Variants in MYOM1 observed in about 807,000 individuals in gnomAD.
MYOM1 encodes the protein myomesin 1, also known as myomesin-1.
Under a neutral mutation model 205.3 loss-of-function variants are expected in MYOM1, and 164 were observed. That is an observed-to-expected ratio of 0.80 (90% CI 0.70 to 0.91). The LOEUF (loss-of-function observed/expected upper bound fraction) is 0.91. MYOM1 is among the 40% of genes least tolerant of loss of function. MYOM1 has a pLI of 0.00. For missense variants in MYOM1, 2,011 were observed against 2,127.3 expected (o/e 0.95, Z 1.08); for synonymous variants, 772 against 789.4 (o/e 0.98, Z 0.37).
chr18:3,164,212 T>G (rs560272886), intron 10 of MYOM1, 66 bp downstream of exon 10: 3 of 1,523,256 alleles, frequency 2.0e-6, no homozygotes, highest in Non-Finnish European at 2.7e-6. Context: ...TGTTTTGTAA[T>G]CAAAAACTGC....
rs538218045 is a variant in MYOM1 at position 3,139,463 on chromosome 18, G to A, written c.2025+2476C>T. On this transcript the variant is annotated intron_variant, in intron 14 of 37. Transcript: ENST00000356443. ...CCATTCCAGGGATCAAGGACATGCCGTGAAGAAGAACAAGCACAGCGGTGG... is the reference window on the plus strand; with the variant it reads ...CCATTCCAGGGATCAAGGACATGCCATGAAGAAGAACAAGCACAGCGGTGG... Among the ~76,000 whole-genome samples, 17 of 152,326 alleles carry A rather than the reference G, an allele frequency of 1.1e-4. No individual in the cohort carries two copies. The South Asian group carries it at 1.2e-3, about 11-fold the overall frequency.
chr18:3,135,672 G>A lies in MYOM1; in HGVS notation c.2084C>T (p.Pro695Leu). The A allele has an allele frequency of 6.2e-7, 1 of 1,613,954 alleles. No individual in the cohort carries two copies. Among genetic ancestry groups the A allele is most frequent in the South Asian group, 1.1e-5 (1 of 91,086 alleles). ...RVNTELPVKS[P>L]RFALFDLAEG... is the part of the protein sequence containing the mutation. The stretch of plus-strand genomic sequence containing the variant: ...GGCCAAGTCAAACAGAGCAAAGCGG[G>A]GAGACTTCACAGGGAGCTCCGTGTT... Residue 695 changes from proline to leucine, a missense_variant, in exon 15 of 38, where the codon CCC becomes CTC. Transcript: ENST00000356443. This position sits in a 1 kb window ranked among gnomAD's most constrained non-coding sequence, Gnocchi z 4.1.
Position 3,119,926 on chromosome 18 carries a change from C to A in MYOM1, c.3061G>T (p.Ala1021Ser), listed in dbSNP as rs747299361. 1 of 1,612,106 alleles carries A rather than the reference C, an allele frequency of 6.2e-7. No homozygotes were observed. The highest frequency in any genetic ancestry group is 2.2e-5 in the East Asian group (1 of 44,850). ...AAGCATTCGCTTACTGCGGAGGGCG[C>A]GCCCAGCCCAGCCATGTTCATGGCT... ...VAAMNMAGLG[A>S]PSAVSECFKC... Residue 1021 changes from alanine to serine, a missense_variant, in exon 20 of 38, where the codon GCG (alanine) becomes TCG (serine). Physicochemically the swap from Ala to Ser is moderately conservative, Grantham distance 99. Transcript: ENST00000356443.
At chr18:3,125,514 G>A (rs1324523115) in intron 19 of MYOM1, among the ~76,000 whole-genome samples, 1 of 151,274 alleles carries the variant, frequency 6.6e-6, no homozygotes. Context: ...AGCACTTTGG[G>A]AGGCTGAGGT....
intron 19 of MYOM1, among the ~76,000 whole-genome samples, chr18:3,124,349 G>A (rs112207923): frequency 0.018 from 2,526 of 141,250 alleles, 102 homozygotes; most frequent in African/African-American, 0.058. Context: ...CGCCCAGGCT[G>A]GAGTGCAGTG....
rs2080954216 is a variant in MYOM1 at position 3,193,821 on chromosome 18, C to T, written c.428G>A (p.Gly143Glu). Residue 143 changes from glycine (G) to glutamate (E), a missense_variant, in exon 3 of 38, where the codon GGA becomes GAA. Coordinates refer to ENST00000356443, the MANE Select transcript of MYOM1 (RefSeq NM_003803.4). Reference protein sequence around the residue: ...PSDYMVPIFSGRQKHVSGITD... With the variant: ...PSDYMVPIFSERQKHVSGITD... ...CAGGAAGAAAAAGCACACTCACCGT[C>T]CTGAGAAAATGGGTACCATGTAGTC... 1.2e-6 allele frequency: 2 copies of T among 1,612,162 alleles called. No individual in the cohort carries two copies. The highest frequency in any genetic ancestry group is 1.3e-5 in the African/African-American group (1 of 74,846).
At chr18:3,177,091 C>T (rs1341994398) in intron 5 of MYOM1, among the ~76,000 whole-genome samples, 1 of 151,796 alleles carries the variant, frequency 6.6e-6, no homozygotes, top group East Asian at 1.9e-4. Context: ...ACAAAAACTA[C>T]AAAAAATTAG....
rs1285069599 is a variant in MYOM1 at position 3,134,789 on chromosome 18, T to C, written c.2245A>G (p.Arg749Gly). 7 of 1,614,022 alleles carry C rather than the reference T, an allele frequency of 4.3e-6. No homozygotes were observed. The highest frequency in any genetic ancestry group is 1.7e-5 in the Admixed American group (1 of 60,018). The change falls in exon 16 of 38, where the codon AGA becomes GGA. Residue 749 changes from arginine to glycine, a missense_variant. Physicochemically the swap from Arg to Gly is moderately radical, Grantham distance 125. Transcript: ENST00000356443. ...ACTACCACTGAGGTGTCTGTGTTTCTGCTTGGGATGATTTTGCCAGGAGCC... is the reference window on the plus strand; with the variant it reads ...ACTACCACTGAGGTGTCTGTGTTTCCGCTTGGGATGATTTTGCCAGGAGCC... ...PKAPGKIIPSRNTDTSVVVSW... is the reference protein window; with the variant it reads ...PKAPGKIIPSGNTDTSVVVSW...
rs115092132 is a variant in MYOM1, at chr18:3,138,998, T to C, written c.2025+2941A>G. 5.4e-3 allele frequency among the ~76,000 whole-genome samples: 828 copies of C among 152,288 alleles called. 8 individuals are homozygous for C. Among genetic ancestry groups the C allele is most frequent in the African/African-American group, 0.018 (763 of 41,562 alleles). ...CCTCATCTACAAAATAGGCATGATC[T>C]GCCAGGCACAGTGGCTCACAACTAT... On this transcript the variant is annotated intron_variant, in intron 14 of 37. Coordinates refer to ENST00000356443, the MANE Select transcript of MYOM1 (RefSeq NM_003803.4).
At chr18:3,088,209 G>A (rs796245754) in intron 29 of MYOM1, among the ~76,000 whole-genome samples, 5 of 152,280 alleles carry the variant, frequency 3.3e-5, no homozygotes, top group African/African-American at 1.2e-4. Context: ...AACAGCAAGC[G>A]CAGAAGGCGA....
Position 3,129,425 on chromosome 18 carries a change from T to G in MYOM1, c.2601A>C (p.Pro867=). 6.2e-7 allele frequency: 1 copy of G among 1,613,964 alleles called. No homozygotes were observed. Among genetic ancestry groups the G allele is most frequent in the Non-Finnish European group, 8.5e-7 (1 of 1,179,874 alleles). The stretch of plus-strand genomic sequence containing the variant: ...CAAGCAAAGCATCTTTCTGGAAGGT[T>G]GGCGGGGAGGCTTCATGCACGCGCC... ...SRGRVHEASP[P]TFQKDALLGS... The change falls in exon 18 of 38, where the codon CCA becomes CCC. Residue 867 remains proline (P), a synonymous_variant. Coordinates refer to ENST00000356443, the MANE Select transcript of MYOM1 (RefSeq NM_003803.4).
chr18:3,157,494 A>G (rs1173001075), intron 10 of MYOM1, among the ~76,000 whole-genome samples: 1 of 151,910 alleles, frequency 6.6e-6, no homozygotes, highest in Non-Finnish European at 1.5e-5. Flanking sequence ...CCTGGGCAAC[A>G]TGGTGAGACT....
chr18:3,120,030 T>A, intron 19 of MYOM1, 35 bp from the exon 20 acceptor site: 1 of 1,531,330 alleles, frequency 6.5e-7, no homozygotes. Context: ...TACTGAATGT[T>A]CCAGGTTTGT....
intron 36 of MYOM1, among the ~76,000 whole-genome samples, chr18:3,074,996 T>C (rs1373851948): frequency 1.3e-5 from 2 of 152,180 alleles, no homozygotes; most frequent in Non-Finnish European, 2.9e-5. Context: ...GGTTTTGCCA[T>C]GTTGGCCAGA....
chr18:3,169,051 ACAGGC>A, intron 8 of MYOM1, 70 bp from the exon 9 acceptor site: 2 of 1,403,736 alleles, frequency 1.4e-6, no homozygotes, highest in East Asian at 2.5e-5. Flanking sequence ...TTTAATAAGC[ACAGGC>A]AGAAAGCAGT....
chr18:3,197,548 T>C (rs1182323860), intron 2 of MYOM1, among the ~76,000 whole-genome samples: 3 of 152,082 alleles, frequency 2.0e-5, no homozygotes, highest in Non-Finnish European at 4.4e-5. Flanking sequence ...AATAGAAAAA[T>C]ACTAAAGACC....
chr18:3,198,979 G>A (rs1354754013), intron 2 of MYOM1, among the ~76,000 whole-genome samples: 2 of 152,064 alleles, frequency 1.3e-5, no homozygotes, highest in East Asian at 1.9e-4. Flanking sequence ...ATAACACATT[G>A]TCAAAAATAA....
chr18:3,176,436 T>C (rs2080642365), intron 5 of MYOM1, among the ~76,000 whole-genome samples: 1 of 151,378 alleles, frequency 6.6e-6, no homozygotes, highest in African/African-American at 2.4e-5. Context: ...TACAAAACAG[T>C]GCACAGCAGA....
chr18:3,106,443 T>C (rs4798068), intron 22 of MYOM1, among the ~76,000 whole-genome samples: 87,253 of 152,040 alleles, frequency 0.57, 26,259 homozygotes, highest in East Asian at 0.76. Flanking sequence ...TATAGTTGAG[T>C]TGTAACATAA....
Sources: allele counts gnomAD v4.1 joint callset (sites outside exome capture counted in the v4.1 genomes callset), GRCh38; gene constraint gnomAD v4.1.1; non-coding constraint Gnocchi (gnomAD v3.1); transcripts MANE v1.5; gene names NCBI Gene and HGNC (gene_info 2026-07-23, HGNC 2026-07-21).